Variants in CTNNA3 observed in about 807,000 individuals in gnomAD.
CTNNA3 encodes catenin alpha-3.
A neutral mutation model predicts 95.7 loss-of-function variants in CTNNA3; 76 were observed. The observed-to-expected ratio is 0.79, with a 90% CI of 0.66 to 0.96. The LOEUF (loss-of-function observed/expected upper bound fraction) is 0.96. CTNNA3 is among the 40% of genes least tolerant of loss of function. The pLI, the probability that CTNNA3 is intolerant of heterozygous loss-of-function variation, is 0.00. For missense variants in CTNNA3, 1,191 were observed against 1,089.8 expected (o/e 1.09, Z -1.31); for synonymous variants, 431 against 374.4 (o/e 1.15, Z -1.74).
intron 2 of CTNNA3, among the ~76,000 whole-genome samples, chr10:67,609,089 T>TAA (rs1843372223): frequency 2.8e-5 from 1 of 35,908 alleles, no homozygotes; most frequent in African/African-American, 3.8e-4. Flanking sequence ...AAACTCTATC[T>TAA]CAAAAAAAAA....
chr10:66,870,663 A>C (rs1433341249), intron 7 of CTNNA3, among the ~76,000 whole-genome samples: 1 of 152,112 alleles, frequency 6.6e-6, no homozygotes, highest in African/African-American at 2.4e-5. Context: ...TAATTTCACC[A>C]TCTCTCCTCT....
At chr10:67,333,415 AT>A (rs1841873384) in intron 5 of CTNNA3, among the ~76,000 whole-genome samples, 11 of 152,256 alleles carry the variant, frequency 7.2e-5, no homozygotes, top group Middle Eastern at 3.4e-3. Flanking sequence ...TTCTTGCTGT[AT>A]TTTTATGGTA....
chr10:66,095,432 G>A (rs2081353970), intron 14 of CTNNA3, among the ~76,000 whole-genome samples: 1 of 151,970 alleles, frequency 6.6e-6, no homozygotes, highest in Non-Finnish European at 1.5e-5. Flanking sequence ...GATTAAAACT[G>A]TTTTTTATAA....
At chr10:67,065,755 A>G (rs1247970927) in intron 7 of CTNNA3, among the ~76,000 whole-genome samples, 1 of 152,174 alleles carries the variant, frequency 6.6e-6, no homozygotes, top group African/African-American at 2.4e-5. Context: ...TATGTGAATG[A>G]CCAAATGGAA....
At chr10:66,491,360 G>A (rs1839916353) in intron 11 of CTNNA3, among the ~76,000 whole-genome samples, 1 of 152,078 alleles carries the variant, frequency 6.6e-6, no homozygotes, top group Non-Finnish European at 1.5e-5. Flanking sequence ...AACATTTCTT[G>A]TTCTCCAGAA....
At chr10:66,453,582 C>T (rs539380740) in intron 11 of CTNNA3, among the ~76,000 whole-genome samples, 3 of 152,326 alleles carry the variant, frequency 2.0e-5, no homozygotes, top group East Asian at 1.9e-4. Context: ...CCAAACCATG[C>T]TTATGTGGAT....
chr10:66,652,524 G>A (rs1204340715), intron 9 of CTNNA3, among the ~76,000 whole-genome samples: 1 of 152,044 alleles, frequency 6.6e-6, no homozygotes, highest in African/African-American at 2.4e-5. Flanking sequence ...AGAAAACCCA[G>A]GACCAGATGG....
intron 13 of CTNNA3, among the ~76,000 whole-genome samples, chr10:66,201,945 T>C (rs1466588166): frequency 1.3e-5 from 2 of 151,830 alleles, no homozygotes; most frequent in Non-Finnish European, 2.9e-5. Flanking sequence ...CCTGGCACCA[T>C]GCCTGGCTAA....
chr10:66,228,143 C>T (rs536629977), intron 13 of CTNNA3, among the ~76,000 whole-genome samples: 1 of 151,848 alleles, frequency 6.6e-6, no homozygotes, highest in Admixed American at 6.6e-5. Flanking sequence ...TTTTATTGAT[C>T]TTTTGTATTT....
intron 5 of CTNNA3, among the ~76,000 whole-genome samples, chr10:67,452,056 A>AT (rs1457743429): frequency 3.5e-5 from 5 of 141,092 alleles, no homozygotes; most frequent in South Asian, 2.3e-4. Context: ...GGAGGGAGGG[A>AT]GGAATGGAAG....
intron 1 of CTNNA3, among the ~76,000 whole-genome samples, chr10:67,735,077 G>A (rs949480279): frequency 4.6e-5 from 7 of 151,598 alleles, no homozygotes; most frequent in Admixed American, 4.6e-4. Context: ...TAGGTCTAGA[G>A]CAAGGTTGGA....
At chr10:66,590,807 A>G (rs1843523717) in intron 10 of CTNNA3, among the ~76,000 whole-genome samples, 2 of 151,734 alleles carry the variant, frequency 1.3e-5, no homozygotes, top group African/African-American at 4.9e-5. Context: ...GCCATAAAAT[A>G]TCTTCCTAAC....
At chr10:66,244,710 C>T (rs1056716954) in intron 13 of CTNNA3, among the ~76,000 whole-genome samples, 2 of 152,196 alleles carry the variant, frequency 1.3e-5, no homozygotes, top group Non-Finnish European at 1.5e-5. Context: ...AAAGCAGATA[C>T]AGCTTAAATC....
chr10:67,152,891 T>G (rs531225964), intron 7 of CTNNA3, among the ~76,000 whole-genome samples: 1 of 152,224 alleles, frequency 6.6e-6, no homozygotes, highest in East Asian at 1.9e-4. Context: ...TAACGTTTAT[T>G]ACATGCCTAC....
chr10:66,783,916 C>T (rs918389343), intron 7 of CTNNA3, among the ~76,000 whole-genome samples: 1 of 152,098 alleles, frequency 6.6e-6, no homozygotes, highest in Non-Finnish European at 1.5e-5. Context: ...TTTAATAATA[C>T]TCAGTATGTC....
intron 11 of CTNNA3, among the ~76,000 whole-genome samples, chr10:66,413,257 G>C (rs532379553): frequency 6.6e-6 from 1 of 152,032 alleles, no homozygotes; most frequent in Non-Finnish European, 1.5e-5. Context: ...CACCCCTTGA[G>C]AACTTGTTGT....
intron 11 of CTNNA3, among the ~76,000 whole-genome samples, chr10:66,482,802 A>G (rs1839584789): frequency 6.6e-6 from 1 of 152,156 alleles, no homozygotes; most frequent in South Asian, 2.1e-4. Context: ...GATTTGGTAT[A>G]AAAACACAGC....
chr10:65,983,543 T>C (rs1020011598), intron 16 of CTNNA3, among the ~76,000 whole-genome samples: 2 of 151,542 alleles, frequency 1.3e-5, no homozygotes, highest in Non-Finnish European at 1.5e-5. Context: ...CTCCAACTTA[T>C]TCTGTTTAAT....
intron 6 of CTNNA3, among the ~76,000 whole-genome samples, chr10:67,202,920 C>T (rs1318245619): frequency 6.6e-6 from 1 of 151,964 alleles, no homozygotes; most frequent in Non-Finnish European, 1.5e-5. Flanking sequence ...TAATTTTAAC[C>T]AACATTCTTT....
Sources: gnomAD v4.1 joint callset for allele counts (sites outside exome capture counted in the v4.1 genomes callset) on GRCh38, gnomAD v4.1.1 for gene constraint, MANE v1.5 for transcripts, NCBI Gene and HGNC (gene_info 2026-07-23, HGNC 2026-07-21) for gene names.